The following CABIN1 variants were observed in gnomAD, a reference collection of about 807,000 sequenced individuals.
CABIN1 encodes calcineurin-binding protein cabin-1.
In CABIN1, 133 loss-of-function variants were observed where a neutral mutation model predicts 227.7. The ratio of observed to expected loss-of-function variants is 0.58; its 90% CI spans 0.51 to 0.67. The LOEUF (loss-of-function observed/expected upper bound fraction) is 0.67. Among genes scored for constraint, CABIN1 ranks in the 30% least tolerant of loss-of-function variants. The pLI is 0.00. For missense variants in CABIN1, 2,408 were observed against 2,852.5 expected, an observed-to-expected ratio of 0.84 and a Z score of 3.55; for synonymous variants, 1,086 against 1,155.1, an observed-to-expected ratio of 0.94 and a Z score of 1.21.
intron 7 of CABIN1, among the ~76,000 whole-genome samples, chr22:24,049,737 C>T (rs557710618): frequency 3.9e-5 from 6 of 152,288 alleles, no homozygotes; most frequent in Admixed American, 3.9e-4. Flanking sequence ...GTTAAGACTG[C>T]CCCAAGTCCC....
At chr22:24,121,038 C>T (rs1035342123) in intron 28 of CABIN1, among the ~76,000 whole-genome samples, 2 of 152,200 alleles carry the variant, frequency 1.3e-5, no homozygotes, top group African/African-American at 4.8e-5. Context: ...GGTGGCCATT[C>T]TGGGCTGGCA....
At chr22:24,123,328 C>T (rs886670895) in intron 28 of CABIN1, among the ~76,000 whole-genome samples, 3 of 152,168 alleles carry the variant, frequency 2.0e-5, no homozygotes, top group African/African-American at 7.2e-5. Flanking sequence ...CCTTAAGCAG[C>T]AGACACTCCC....
intron 16 of CABIN1, 117 bp from the exon 17 acceptor site, chr22:24,070,683 G>C: frequency 1.3e-6 from 2 of 1,491,230 alleles, no homozygotes; most frequent in Non-Finnish European, 1.9e-6. Context: ...GCTGGGGCTC[G>C]TTCTTCCCTT....
At chr22:24,027,606 T>C (rs1252281725) in intron 1 of CABIN1, among the ~76,000 whole-genome samples, 1 of 152,258 alleles carries the variant, frequency 6.6e-6, no homozygotes, top group Non-Finnish European at 1.5e-5. Context: ...AATTAGGTCA[T>C]GAGGGATCTG....
At chr22:24,012,762 C>CTT (rs1413865348) in intron 1 of CABIN1, among the ~76,000 whole-genome samples, 25 of 151,934 alleles carry the variant, frequency 1.6e-4, no homozygotes, top group African/African-American at 2.2e-4. Flanking sequence ...TATTCAATAG[C>CTT]TTTTGTGTGT....
intron 2 of CABIN1, among the ~76,000 whole-genome samples, chr22:24,035,725 G>A (rs535523839): frequency 6.6e-6 from 1 of 152,164 alleles, no homozygotes; most frequent in African/African-American, 2.4e-5. Context: ...CACAGTTGCT[G>A]GAAAGACATA....
At chr22:24,056,913 TCTTA>T (rs1296347388) in intron 10 of CABIN1, among the ~76,000 whole-genome samples, 3 of 151,744 alleles carry the variant, frequency 2.0e-5, no homozygotes, top group African/African-American at 7.3e-5. Context: ...CCCCAGTGCT[TCTTA>T]CTTAGGTTTT....
intron 27 of CABIN1, among the ~76,000 whole-genome samples, chr22:24,118,412 C>G (rs971298999): frequency 1.3e-5 from 2 of 152,140 alleles, no homozygotes; most frequent in African/African-American, 4.8e-5. Flanking sequence ...AACTGGGGGC[C>G]TTGGTTGTTG....
chr22:24,066,893 T>G, intron 15 of CABIN1, 94 bp from the exon 16 acceptor site: 1 of 1,193,820 alleles, frequency 8.4e-7, no homozygotes, highest in Non-Finnish European at 1.2e-6. Flanking sequence ...TTTATTCTCC[T>G]CATCCAAGTC....
At chr22:24,172,474 T>A (rs2046874952) in intron 34 of CABIN1, among the ~76,000 whole-genome samples, 1 of 152,088 alleles carries the variant, frequency 6.6e-6, no homozygotes, top group Admixed American at 6.5e-5. Context: ...CAGGCCCTAC[T>A]GGGTGTGGGG....
intron 1 of CABIN1, among the ~76,000 whole-genome samples, chr22:24,017,231 G>T (rs1216174650): frequency 1.3e-5 from 2 of 151,844 alleles, no homozygotes; most frequent in African/African-American, 2.4e-5. Flanking sequence ...CAGAGACAGG[G>T]TTTCACTGTG....
At chr22:24,157,405 G>T (rs959501514) in intron 29 of CABIN1, among the ~76,000 whole-genome samples, 8 of 152,166 alleles carry the variant, frequency 5.3e-5, no homozygotes, top group African/African-American at 1.7e-4. Flanking sequence ...GAGGGGTGCT[G>T]CCCAGCCGGC....
intron 17 of CABIN1, 129 bp downstream of exon 17, chr22:24,071,171 T>C: frequency 7.5e-7 from 1 of 1,331,564 alleles, no homozygotes; most frequent in Non-Finnish European, 1.1e-6. Context: ...GCTTCTTTGG[T>C]TGGAACTTTC....
At chr22:24,176,035 T>C in intron 34 of CABIN1, 76 bp from the exon 35 acceptor site, 5 of 1,512,478 alleles carry the variant, frequency 3.3e-6, no homozygotes, top group African/African-American at 1.4e-5. Flanking sequence ...CCTGGGCCCA[T>C]AGGACCTGAC....
chr22:24,106,951 T>C (rs1260390621), intron 26 of CABIN1, among the ~76,000 whole-genome samples: 2 of 152,244 alleles, frequency 1.3e-5, no homozygotes, highest in African/African-American at 4.8e-5. Context: ...AAATAGGCTG[T>C]GCCAACCCTT....
At chr22:24,168,213 G>C (rs2046568034) in intron 32 of CABIN1, among the ~76,000 whole-genome samples, 1 of 152,250 alleles carries the variant, frequency 6.6e-6, no homozygotes, top group African/African-American at 2.4e-5. Flanking sequence ...CCCCCACCTG[G>C]GAGATGGATG....
intron 33 of CABIN1, chr22:24,170,154 G>A (rs1038572042): frequency 8.7e-6 from 4 of 458,622 alleles, no homozygotes; most frequent in Non-Finnish European, 1.8e-5. Flanking sequence ...GGGCGCCTTG[G>A]TATCTGCCGT....
At chr22:24,104,609 T>G (rs2042405889) in intron 26 of CABIN1, among the ~76,000 whole-genome samples, 1 of 152,158 alleles carries the variant, frequency 6.6e-6, no homozygotes, top group South Asian at 2.1e-4. Flanking sequence ...CTGTGTATCT[T>G]CCTCTCTCTC....
chr22:24,120,149 C>G (rs1159508596), intron 28 of CABIN1, among the ~76,000 whole-genome samples: 1 of 152,242 alleles, frequency 6.6e-6, no homozygotes, highest in Non-Finnish European at 1.5e-5. Flanking sequence ...TAGGCCCCAT[C>G]TCTCCAGCTG....
Sources: allele counts gnomAD v4.1 joint callset (sites outside exome capture counted in the v4.1 genomes callset), GRCh38; gene constraint gnomAD v4.1.1; transcripts MANE v1.5; gene names NCBI Gene and HGNC (gene_info 2026-07-23, HGNC 2026-07-21).